Variants in IMPA2 observed in about 807,000 individuals in gnomAD.
IMPA2 encodes IMP 2.
A neutral mutation model predicts 35.1 loss-of-function variants in IMPA2; 32 were observed. That is an observed-to-expected ratio of 0.91 (90% CI 0.69 to 1.23). The LOEUF is 1.23. Ranked by LOEUF, IMPA2 falls within the 50% of genes most tolerant of loss-of-function variation. IMPA2 has a pLI of 0.00. For missense variants in IMPA2, 334 were observed against 387.6 expected, an observed-to-expected ratio of 0.86 and a Z score of 1.16; for synonymous variants, 135 against 160.6, an observed-to-expected ratio of 0.84 and a Z score of 1.20.
intron 1 of IMPA2, among the ~76,000 whole-genome samples, chr18:11,984,828 C>T (rs1598679723): frequency 6.6e-6 from 1 of 151,070 alleles, no homozygotes; most frequent in South Asian, 2.2e-4. Flanking sequence ...ATTAGCCGGG[C>T]GTGGTGGCGG....
At chr18:12,024,732 T>C (rs1192175921) in intron 5 of IMPA2, among the ~76,000 whole-genome samples, 1 of 148,992 alleles carries the variant, frequency 6.7e-6, no homozygotes, top group African/African-American at 2.5e-5. Context: ...CCCTCCTCCC[T>C]CCCTGCCCTT....
At chr18:12,018,822 T>TTTA (rs1210300944) in intron 5 of IMPA2, among the ~76,000 whole-genome samples, 3 of 152,016 alleles carry the variant, frequency 2.0e-5, no homozygotes, top group African/African-American at 4.8e-5. Flanking sequence ...TTTGGTGTCT[T>TTTA]TTATTATTAT....
rs1341557370 is a variant in IMPA2, at chr18:11,985,167, AAAG to A, written c.96+3404_96+3406del. On this transcript the variant is annotated intron_variant, in intron 1 of 7. Coordinates refer to ENST00000269159, the MANE Select transcript of IMPA2 (RefSeq NM_014214.3). ...TGTCTCAAAAAAAAAAAAAAAAAAA[AAAG>A]AGAAAATACAAAATTACAAATTCAA... Among the ~76,000 whole-genome samples, 36 of 148,502 alleles carry A rather than the reference AAAG, an allele frequency of 2.4e-4. No individual in the cohort carries two copies. The East Asian group carries it at 4.8e-3, about 20-fold the overall frequency.
chr18:12,030,817 C>T lies in IMPA2; in HGVS notation c.*359C>T, dbSNP rs927945918. 9 of 223,598 alleles carry T rather than the reference C, an allele frequency of 4.0e-5. No homozygotes were observed. The highest frequency in any genetic ancestry group is 2.5e-4 in the East Asian group (2 of 8,058). The allele number at this position is 223,598 out of a possible 1,614,324, so 13.9% of individuals were successfully genotyped here. A position where few individuals can be genotyped will look rare whatever the true frequency, so the allele number is the denominator to read the frequency against. On this transcript the variant is annotated 3_prime_UTR_variant, in exon 8 of 8. Transcript: ENST00000269159. ...TAAGGCTTTAGAACTGCTGATAAAGCGGATCGTTCTCAGGCCCTCCCCCCG... is the reference window on the plus strand; with the variant it reads ...TAAGGCTTTAGAACTGCTGATAAAGTGGATCGTTCTCAGGCCCTCCCCCCG...
intron 5 of IMPA2, among the ~76,000 whole-genome samples, chr18:12,021,026 G>T (rs1907714680): frequency 6.6e-6 from 1 of 151,286 alleles, no homozygotes; most frequent in Non-Finnish European, 1.5e-5. Context: ...CGGGGGTGGG[G>T]GCTCCAGACA....
chr18:11,987,201 C>T (rs1906691346), intron 1 of IMPA2, among the ~76,000 whole-genome samples: 1 of 152,122 alleles, frequency 6.6e-6, no homozygotes, highest in African/African-American at 2.4e-5. Context: ...GGAGTGGGCA[C>T]CAGAATACGC....
intron 3 of IMPA2, 107 bp from the exon 4 acceptor site, chr18:12,012,061 CAG>C (rs1907447166): frequency 5.6e-6 from 5 of 897,858 alleles, no homozygotes; most frequent in Non-Finnish European, 8.9e-6. Context: ...CCAACCCACC[CAG>C]AGTGTAGGAA....
In IMPA2 at chr18:12,028,653, C is replaced by T. The variant is rs970776441; in HGVS notation, c.600-189C>T. 2.3e-5 allele frequency: 15 copies of T among 646,982 alleles called. No individual in the cohort carries two copies. In the East Asian group the frequency reaches 3.5e-4, roughly 15 times the overall value. 40.1% of individuals were successfully genotyped at this position (646,982 alleles called of 1,614,324 possible). A position where few individuals can be genotyped will look rare whatever the true frequency, so the allele number is the denominator to read the frequency against. On this transcript the variant is annotated intron_variant, in intron 6 of 7. Transcript: ENST00000269159. ...GAGCTGTCATGGCACAAGGCATTTG[C>T]GTCTGGCGGAGGCCTGTTGGTTGGT...
At position 11,991,576 on chromosome 18, in the gene IMPA2, G is replaced by A. The variant is rs1209798994; in HGVS notation, c.97-7478G>A. 6.6e-6 allele frequency among the ~76,000 whole-genome samples: 1 copy of A among 152,182 alleles called. No homozygotes were observed. Among genetic ancestry groups the A allele is most frequent in the Non-Finnish European group, 1.5e-5 (1 of 68,026 alleles). Reference sequence around the variant, plus strand: ...CTTCAGAGAAACAGGACCGGCAGGAGGTGGGTGGGTCCAGTCTGCAGGGTG... The same window carrying A: ...CTTCAGAGAAACAGGACCGGCAGGAAGTGGGTGGGTCCAGTCTGCAGGGTG... On this transcript the variant is annotated intron_variant, in intron 1 of 7. Coordinates refer to ENST00000269159, the MANE Select transcript of IMPA2 (RefSeq NM_014214.3). This position sits in a 1 kb window ranked among gnomAD's most constrained non-coding sequence, Gnocchi z 4.1.
At chr18:12,030,222 G>T (rs1401713080) in intron 7 of IMPA2, 121 bp from the exon 8 acceptor site, 3 of 715,772 alleles carry the variant, frequency 4.2e-6, no homozygotes, top group Non-Finnish European at 7.3e-6. Context: ...CGAGTGTTGG[G>T]GCTTGGGCAC....
chr18:12,007,938 C>T (rs1329883247), intron 2 of IMPA2, among the ~76,000 whole-genome samples: 4 of 151,748 alleles, frequency 2.6e-5, no homozygotes, highest in Non-Finnish European at 5.9e-5. Context: ...CCACCACCCC[C>T]AGCTAATTTT....
Position 11,991,371 on chromosome 18 carries a change from C to T in IMPA2, c.97-7683C>T, listed in dbSNP as rs758503660. On this transcript the variant is annotated intron_variant, in intron 1 of 7. Transcript: ENST00000269159. The surrounding 1 kb of genome is among the most constrained non-coding windows in gnomAD (Gnocchi z 4.1). ...CTGAGGTGGGCTGGCCTGGGAGCCACGTCTGCTTGGACCAGCTCCTCCTCT... is the reference window on the plus strand; with the variant it reads ...CTGAGGTGGGCTGGCCTGGGAGCCATGTCTGCTTGGACCAGCTCCTCCTCT... Among the ~76,000 whole-genome samples the T allele has an allele frequency of 8.6e-5, 13 of 152,024 alleles. No individual in the cohort carries two copies. The highest frequency in any genetic ancestry group is 1.7e-4 in the African/African-American group (7 of 41,374).
intron 1 of IMPA2, among the ~76,000 whole-genome samples, chr18:11,982,132 G>A (rs922024512): frequency 6.6e-6 from 1 of 152,158 alleles, no homozygotes; most frequent in African/African-American, 2.4e-5. Flanking sequence ...CCGGGGCTAA[G>A]CCCCAGCCGC....
intron 1 of IMPA2, chr18:11,994,486 G>A (rs1043337804): frequency 3.9e-5 from 6 of 152,376 alleles, no homozygotes; most frequent in Admixed American, 3.3e-4. Context: ...GACACACCCA[G>A]ATTGCAGCAT....
intron 1 of IMPA2, 138 bp downstream of exon 1, chr18:11,981,903 G>C (rs542572064): frequency 4.7e-5 from 22 of 468,250 alleles, no homozygotes; most frequent in African/African-American, 3.8e-4. Flanking sequence ...GGCGCGGAGC[G>C]GTGAAAGGAG....
At chr18:11,990,861 T>C (rs1906792929) in intron 1 of IMPA2, among the ~76,000 whole-genome samples, 2 of 152,218 alleles carry the variant, frequency 1.3e-5, no homozygotes, top group South Asian at 4.1e-4. Flanking sequence ...TGGGCAACTT[T>C]CTCCATTTCT....
At chr18:12,005,162 G>A (rs933348247) in intron 2 of IMPA2, among the ~76,000 whole-genome samples, 4 of 152,246 alleles carry the variant, frequency 2.6e-5, no homozygotes, top group African/African-American at 9.6e-5. Context: ...AGGCAGGTGG[G>A]AAGGGGGATG....
Position 11,985,769 on chromosome 18 carries a change from G to A in IMPA2, c.96+4004G>A, listed in dbSNP as rs142641085. ...TATGCCTGGAAGCCCTTTCTACACTGGATGGCTCTCAGTAACTTACAGAGA... is the reference window on the plus strand; with the variant it reads ...TATGCCTGGAAGCCCTTTCTACACTAGATGGCTCTCAGTAACTTACAGAGA... On this transcript the variant is annotated intron_variant, in intron 1 of 7. Transcript: ENST00000269159. 2.5e-3 allele frequency among the ~76,000 whole-genome samples: 377 copies of A among 152,292 alleles called. 3 individuals carry two copies. The highest frequency in any genetic ancestry group is 8.5e-3 in the African/African-American group (352 of 41,548).
At chr18:11,995,506 A>C (rs1906936049) in intron 1 of IMPA2, among the ~76,000 whole-genome samples, 1 of 152,210 alleles carries the variant, frequency 6.6e-6, no homozygotes, top group African/African-American at 2.4e-5. Flanking sequence ...TTTGGGGTCA[A>C]ATGGTCTCTG....
Sources: gnomAD v4.1 joint callset for allele counts (sites outside exome capture counted in the v4.1 genomes callset) on GRCh38, gnomAD v4.1.1 for gene constraint, Gnocchi (gnomAD v3.1) non-coding constraint, MANE v1.5 for transcripts, NCBI Gene and HGNC (gene_info 2026-07-23, HGNC 2026-07-21) for gene names.